CAST: variants seen among roughly 807,000 people sequenced by gnomAD.
CAST encodes calpastatin.
CAST carries 76 observed loss-of-function variants against 119.6 expected under a neutral mutation model. The ratio of observed to expected loss-of-function variants is 0.64; its 90% confidence interval spans 0.53 to 0.77. CAST has a LOEUF of 0.77. Among genes scored for constraint, CAST ranks in the 30% least tolerant of loss-of-function variants. The pLI, the probability that CAST is intolerant of heterozygous loss-of-function variation, is 0.00. For missense variants in CAST, 953 were observed against 946.5 expected, an observed-to-expected ratio of 1.01 and a Z score of -0.09; for synonymous variants, 319 against 331.6, an observed-to-expected ratio of 0.96 and a Z score of 0.41.
the CAST span, among the ~76,000 whole-genome samples, chr5:96,187,444 A>T: frequency 6.6e-6 from 1 of 151,910 alleles, no homozygotes; most frequent in Non-Finnish European, 1.5e-5. Flanking sequence ...TTAGGTTGTT[A>T]ACTTGAGATC....
chr5:96,246,415 G>A, the CAST span, among the ~76,000 whole-genome samples: 2 of 152,038 alleles, frequency 1.3e-5, no homozygotes, highest in African/African-American at 2.4e-5. Context: ...TCGATTTCCT[G>A]ACCTTGTGAT....
intron 1 of CAST, among the ~76,000 whole-genome samples, chr5:96,549,583 C>A (rs147388706): frequency 6.6e-6 from 1 of 152,112 alleles, no homozygotes; most frequent in Non-Finnish European, 1.5e-5. Context: ...GGAAGCAGGG[C>A]GGGGCATCAC....
chr5:96,335,028 C>T, the CAST span, among the ~76,000 whole-genome samples: 1 of 152,162 alleles, frequency 6.6e-6, no homozygotes. Flanking sequence ...AGGCCGACCC[C>T]AGTTACACAT....
At chr5:96,239,229 A>G in the CAST span, among the ~76,000 whole-genome samples, 1 of 152,296 alleles carries the variant, frequency 6.6e-6, no homozygotes. Context: ...ATGTAAACAT[A>G]TGTAATATAC....
At chr5:96,461,316 A>G in the CAST span, among the ~76,000 whole-genome samples, 1 of 152,168 alleles carries the variant, frequency 6.6e-6, no homozygotes, top group African/African-American at 2.4e-5. Context: ...TAATGCTACT[A>G]TGAACATGTG....
the CAST span, among the ~76,000 whole-genome samples, chr5:96,348,874 G>A: frequency 6.6e-6 from 1 of 152,122 alleles, no homozygotes. Context: ...TATCAAAAGG[G>A]CTGTAACGGA....
the CAST span, among the ~76,000 whole-genome samples, chr5:96,376,356 CATA>C: frequency 3.6e-3 from 546 of 152,094 alleles, 5 homozygotes; most frequent in African/African-American, 0.012. Context: ...ATGTACAGTA[CATA>C]ATGTTAGCTA....
the CAST span, among the ~76,000 whole-genome samples, chr5:96,319,498 C>T: frequency 6.6e-6 from 1 of 152,184 alleles, no homozygotes; most frequent in East Asian, 1.9e-4. Context: ...CTATGCTACA[C>T]TACCTTCCCC....
At chr5:96,109,251 A>G in the CAST span, among the ~76,000 whole-genome samples, 1 of 152,174 alleles carries the variant, frequency 6.6e-6, no homozygotes, top group African/African-American at 2.4e-5. Flanking sequence ...GCTCCTCCCA[A>G]CATGCTTTCT....
At chr5:96,010,920 A>G in the CAST span, among the ~76,000 whole-genome samples, 7 of 152,192 alleles carry the variant, frequency 4.6e-5, no homozygotes, top group African/African-American at 1.4e-4. Context: ...ATTGGTATAT[A>G]GAAATGTTAC....
the CAST span, among the ~76,000 whole-genome samples, chr5:96,135,484 G>A: frequency 6.6e-6 from 1 of 152,144 alleles, no homozygotes; most frequent in South Asian, 2.1e-4. Context: ...TTTAGGTAAG[G>A]GGTAAGGGAG....
chr5:96,070,550 T>C, the CAST span, among the ~76,000 whole-genome samples: 1 of 152,192 alleles, frequency 6.6e-6, no homozygotes, highest in Non-Finnish European at 1.5e-5. Context: ...GAATCAAAAC[T>C]GATTCCAAGT....
the CAST span, among the ~76,000 whole-genome samples, chr5:96,466,939 C>T: frequency 6.6e-6 from 1 of 152,208 alleles, no homozygotes; most frequent in East Asian, 1.9e-4. Context: ...ATGGTTGTAC[C>T]AGTTTGCATT....
At chr5:96,675,678 A>C in intron 2 of CAST, 77 bp downstream of exon 2, 2 of 1,102,964 alleles carry the variant, frequency 1.8e-6, no homozygotes, top group Non-Finnish European at 2.7e-6. Context: ...TTAAATAACG[A>C]TGTAGCAAAG....
the CAST span, among the ~76,000 whole-genome samples, chr5:96,375,932 TATATAA>T: frequency 5.5e-5 from 8 of 145,354 alleles, no homozygotes; most frequent in Middle Eastern, 3.6e-3. Flanking sequence ...AATATAAATA[TATATAA>T]ATATAAATAT....
intron 1 of CAST, among the ~76,000 whole-genome samples, chr5:96,644,900 T>C (rs1324222042): frequency 1.3e-5 from 2 of 152,088 alleles, no homozygotes; most frequent in Non-Finnish European, 2.9e-5. Flanking sequence ...CGCTTGAGCC[T>C]GGGAGGCAGA....
At chr5:96,430,028 C>A in the CAST span, among the ~76,000 whole-genome samples, 1 of 152,188 alleles carries the variant, frequency 6.6e-6, no homozygotes, top group Non-Finnish European at 1.5e-5. Flanking sequence ...CCACTTTCCA[C>A]TAAAATAAAT....
intron 3 of CAST, among the ~76,000 whole-genome samples, chr5:96,699,994 C>T (rs950781358): frequency 6.6e-6 from 1 of 152,174 alleles, no homozygotes. Flanking sequence ...GAAATACTTT[C>T]GTGATTTGGG....
chr5:96,123,044 T>C, the CAST span, among the ~76,000 whole-genome samples: 3 of 152,170 alleles, frequency 2.0e-5, no homozygotes, highest in Non-Finnish European at 4.4e-5. Flanking sequence ...ACATGCTTAA[T>C]GTGAATTAAC....
Sources: allele counts gnomAD v4.1 joint callset (sites outside exome capture counted in the v4.1 genomes callset), GRCh38; gene constraint gnomAD v4.1.1; transcripts MANE v1.5; gene names NCBI Gene and HGNC (gene_info 2026-07-23, HGNC 2026-07-21).